Variants in MMP25 observed in about 807,000 individuals in gnomAD.
MMP25 encodes the protein matrix metalloproteinase-25.
In MMP25, 68 loss-of-function variants were observed where a neutral mutation model predicts 62.1. That is an observed-to-expected ratio of 1.10 (90% CI 0.90 to 1.34). The LOEUF is 1.34. MMP25 is among the 40% of genes most tolerant of loss of function. The pLI, the probability that MMP25 is intolerant of heterozygous loss-of-function variation, is 0.00. For missense variants in MMP25, 942 were observed against 792.5 expected (o/e 1.19, Z -2.26); for synonymous variants, 407 against 345.6 (o/e 1.18, Z -1.97).
chr16:3,047,655 C>T, intron 2 of MMP25, 108 bp downstream of exon 2: 4 of 1,294,816 alleles, frequency 3.1e-6, no homozygotes, highest in Admixed American at 2.2e-5. Context: ...TGTGAAGATG[C>T]TGATCTCAGG....
rs758948440 is a variant in MMP25 at position 3,058,589 on chromosome 16, C to T, written c.1337C>T (p.Pro446Leu). Residue 446 changes from proline to leucine, a missense_variant, in exon 9 of 10, where the codon CCG becomes CTG. By Grantham distance (98) the Pro-to-Leu change is moderately conservative. Transcript: ENST00000336577. ...CGCTACGACGAGGCGGCGGCGCGCCCGGACCCCGGCTACCCTCGCGACCTG... is the reference window on the plus strand; with the variant it reads ...CGCTACGACGAGGCGGCGGCGCGCCTGGACCCCGGCTACCCTCGCGACCTG... ...YWRYDEAAARPDPGYPRDLSL... is the reference protein window; with the variant it reads ...YWRYDEAAARLDPGYPRDLSL... 4 of 1,607,600 alleles carry T rather than the reference C, an allele frequency of 2.5e-6. No homozygotes were observed. The highest frequency in any genetic ancestry group is 1.1e-5 in the South Asian group (1 of 90,506).
chr16:3,058,133 A>G (rs368004568), intron 7 of MMP25, 48 bp from the exon 8 acceptor site: 84 of 1,592,466 alleles, frequency 5.3e-5, no homozygotes, highest in Middle Eastern at 1.7e-4. Context: ...GGGGGAGGAG[A>G]CCTCCTGCTG....
At chr16:3,057,257 G>A (rs1413840101) in intron 5 of MMP25, 48 bp downstream of exon 5, 3 of 1,613,880 alleles carry the variant, frequency 1.9e-6, no homozygotes, top group African/African-American at 1.3e-5. Flanking sequence ...CCCATCCAGT[G>A]TCCTCTGCAG....
rs1312286074 is a variant in MMP25 at position 3,057,022 on chromosome 16, T to G, written c.662-11T>G. On this transcript the variant is annotated splice_polypyrimidine_tract_variant and intron_variant, in intron 4 of 9. Coordinates refer to ENST00000336577, the MANE Select transcript of MMP25 (RefSeq NM_022468.5). ...GGGGCGGCCGCAGCTCTCACCCACT[T>G]TCTCCTGCAGACGGCGAGGGGACCG... 6.4e-7 allele frequency: 1 copy of G among 1,553,182 alleles called. No individual in the cohort carries two copies.
chr16:3,047,340 G>A, intron 1 of MMP25, 75 bp from the exon 2 acceptor site: 2 of 1,538,788 alleles, frequency 1.3e-6, no homozygotes, highest in East Asian at 2.3e-5. Flanking sequence ...GGGCAGGGCT[G>A]CCAGGATGGT....
In MMP25 at chr16:3,059,217, C is replaced by G; in HGVS notation, c.*119C>G. 1.6e-6 allele frequency: 2 copies of G among 1,234,000 alleles called. No individual in the cohort carries two copies. The highest frequency in any genetic ancestry group is 2.2e-6 in the Non-Finnish European group (2 of 928,400). 76.4% of individuals were successfully genotyped at this position (1,234,000 alleles called of 1,614,324 possible). A position where few individuals can be genotyped will look rare whatever the true frequency, so the allele number is the denominator to read the frequency against. On this transcript the variant is annotated 3_prime_UTR_variant, in exon 10 of 10. Coordinates refer to ENST00000336577, the MANE Select transcript of MMP25 (RefSeq NM_022468.5). ...TTGTCTGTTCCCACGGACGGGGGCT[C>G]GGGCGCGGACTAAGCAGGGGGGATC...
intron 4 of MMP25, chr16:3,056,810 A>T (rs1481437598): frequency 2.0e-6 from 1 of 499,286 alleles, no homozygotes; most frequent in African/African-American, 2.0e-5. Context: ...TGTTCTCTGG[A>T]TCTTTTCAGC....
At position 3,046,704 on chromosome 16, in the gene MMP25, G is replaced by C. The variant is rs1955824533; in HGVS notation, c.-214G>C. On this transcript the variant is annotated 5_prime_UTR_variant, in exon 1 of 10. Coordinates refer to ENST00000336577, the MANE Select transcript of MMP25 (RefSeq NM_022468.5). ...GGGATTCCCGGGCCCACCCGACCCA[G>C]CGGCGCGACCCTGGCCCTCCGGGAC... 7 of 395,318 alleles carry C rather than the reference G, an allele frequency of 1.8e-5. No individual in the cohort carries two copies. In the South Asian group the frequency reaches 6.0e-4, roughly 34 times the overall value. The allele number at this position is 395,318 out of a possible 1,614,324, so 24.5% of individuals were successfully genotyped here. A position where few individuals can be genotyped will look rare whatever the true frequency, so the allele number is the denominator to read the frequency against.
rs1382911670 is a variant in MMP25 at position 3,060,615 on chromosome 16, A to T, written c.*1517A>T. 1.3e-5 allele frequency: 2 copies of T among 152,266 alleles called. No homozygotes were observed. The highest frequency in any genetic ancestry group is 1.5e-5 in the Non-Finnish European group (1 of 68,052). 9.4% of individuals were successfully genotyped at this position (152,266 alleles called of 1,614,324 possible). On this transcript the variant is annotated 3_prime_UTR_variant, in exon 10 of 10. Transcript: ENST00000336577. ...AGTTACCTGGGAATTCTGGGCTGCC[A>T]GGAAACGATTTGGGCCTCTGTCAGT...
intron 6 of MMP25, 68 bp downstream of exon 6, chr16:3,057,462 G>C: frequency 2.5e-6 from 4 of 1,596,248 alleles, no homozygotes; most frequent in Non-Finnish European, 3.4e-6. Context: ...TCTGAGATGG[G>C]GATGGTGGGG....
rs755060073 is a variant in MMP25 at position 3,057,188 on chromosome 16, G to C, written c.817G>C (p.Asp273His). The C allele has an allele frequency of 1.9e-6, 3 of 1,612,680 alleles. No homozygotes were observed. In the African/African-American group the frequency reaches 4.0e-5, roughly 22 times the overall value. ...DKYRLSQDDR[D>H]GLQQLYGKAP... is the part of the protein sequence containing the mutation. ...GTACCGCCTGTCTCAGGATGACCGC[G>C]ATGGCCTGCAGCAACTCTATGGTAG... Residue 273 changes from aspartate to histidine, a missense_variant, in exon 5 of 10, where the codon GAT becomes CAT. Physicochemically the swap from Asp to His is moderately conservative, Grantham distance 81. Transcript: ENST00000336577.
chr16:3,047,277 GGGGAGCA>G (rs1955834210), intron 1 of MMP25, 131 bp from the exon 2 acceptor site: 4 of 1,317,578 alleles, frequency 3.0e-6, no homozygotes, highest in South Asian at 1.5e-5. Flanking sequence ...GACCTATGGA[GGGGAGCA>G]GGCAGGCATC....
Position 3,057,366 on chromosome 16 carries a change from C to G in MMP25, c.895C>G (p.Pro299Ala). The G allele has an allele frequency of 6.2e-7, 1 of 1,613,448 alleles. No homozygotes were observed. The highest frequency in any genetic ancestry group is 8.5e-7 in the Non-Finnish European group (1 of 1,179,676). The stretch of plus-strand genomic sequence containing the variant: ...CACAAGGAAACCCCTGGCTCCTCCG[C>G]CCCAGCCCCCGGCCTCGCCCACACA... ...KPTRKPLAPP[P>A]QPPASPTHSP... The change falls in exon 6 of 10, where the codon CCC becomes GCC. Residue 299 changes from proline (P) to alanine (A), a missense_variant. Pro to Ala is a conservative substitution (Grantham distance 27). Coordinates refer to ENST00000336577, the MANE Select transcript of MMP25 (RefSeq NM_022468.5).
In MMP25 at chr16:3,057,153, A is replaced by T; in HGVS notation, c.782A>T (p.Asp261Val). The stretch of plus-strand genomic sequence containing the variant: ...CCCTTCTACCAGGGTCCGGTGGGCG[A>T]CCCTGACAAGTACCGCCTGTCTCAG... Reference protein sequence around the residue: ...MRPFYQGPVGDPDKYRLSQDD... With the variant: ...MRPFYQGPVGVPDKYRLSQDD... The change falls in exon 5 of 10, where the codon GAC becomes GTC. Residue 261 changes from aspartate to valine, a missense_variant. Physicochemically the swap from Asp to Val is radical, Grantham distance 152. Coordinates refer to ENST00000336577, the MANE Select transcript of MMP25 (RefSeq NM_022468.5). 1 of 1,612,170 alleles carries T rather than the reference A, an allele frequency of 6.2e-7. No individual in the cohort carries two copies. The highest frequency in any genetic ancestry group is 8.5e-7 in the Non-Finnish European group (1 of 1,179,274).
rs1567431703 is a variant in MMP25, at chr16:3,050,300, C to CA, written c.415_416insA (p.Arg139GlnfsTer21). On this transcript the variant is annotated frameshift_variant, in exon 4 of 10. Coordinates refer to ENST00000336577, the MANE Select transcript of MMP25 (RefSeq NM_022468.5). LOFTEE classifies it high-confidence loss of function. ...CTCCCAGCTGAGCCAGGAGACCGTG[C>CA]GGGTCCTCATGAGCTATGCCCTGAT... 1 of 1,611,948 alleles carries CA rather than the reference C, an allele frequency of 6.2e-7. No individual in the cohort carries two copies. Among genetic ancestry groups the CA allele is most frequent in the Admixed American group, 1.7e-5 (1 of 59,852 alleles).
At chr16:3,048,286 C>A (rs1394040892) in intron 2 of MMP25, among the ~76,000 whole-genome samples, 3 of 152,206 alleles carry the variant, frequency 2.0e-5, no homozygotes, top group African/African-American at 4.8e-5. Flanking sequence ...CCAACCTGGG[C>A]AACAGATGGA....
intron 4 of MMP25, chr16:3,052,178 A>T (rs1204655481): frequency 6.6e-6 from 1 of 151,954 alleles, no homozygotes; most frequent in Non-Finnish European, 1.5e-5. Context: ...CTGAGTGACT[A>T]CTAGCACAAG....
intron 2 of MMP25, among the ~76,000 whole-genome samples, chr16:3,048,343 C>T (rs941996740): frequency 3.3e-5 from 5 of 152,168 alleles, no homozygotes; most frequent in African/African-American, 7.2e-5. Flanking sequence ...TTAGATGCCA[C>T]GCCCTTTCAG....
At position 3,059,317 on chromosome 16, in the gene MMP25, G is replaced by A; in HGVS notation, c.*219G>A. ...CAGTCTCCTCAGGGTCTGAGACCCC[G>A]GCGCTGCCACCGGAACCCGCCTTCA... On this transcript the variant is annotated 3_prime_UTR_variant, in exon 10 of 10. Coordinates refer to ENST00000336577, the MANE Select transcript of MMP25 (RefSeq NM_022468.5). 4.4e-6 allele frequency: 2 copies of A among 452,192 alleles called. No individual in the cohort carries two copies. The highest frequency in any genetic ancestry group is 8.2e-5 in the South Asian group (1 of 12,134). 28.0% of individuals were successfully genotyped at this position (452,192 alleles called of 1,614,324 possible). A position where few individuals can be genotyped will look rare whatever the true frequency, so the allele number is the denominator to read the frequency against.
Sources: gnomAD v4.1 joint callset for allele counts (sites outside exome capture counted in the v4.1 genomes callset) on GRCh38, gnomAD v4.1.1 for gene constraint, MANE v1.5 for transcripts, NCBI Gene and HGNC (gene_info 2026-07-23, HGNC 2026-07-21) for gene names.